The following CDR2 variants were observed in gnomAD, a reference collection of about 807,000 sequenced individuals.
The protein encoded by CDR2 is cerebellar degeneration related protein 2.
In CDR2, 34 loss-of-function variants were observed where a neutral mutation model predicts 48.4. That is an observed-to-expected ratio of 0.70 (90% CI 0.53 to 0.94). The LOEUF is 0.94. CDR2 is among the 40% of genes least tolerant of loss of function. The pLI is 0.00. For missense variants in CDR2, 498 were observed against 549.5 expected (o/e 0.91, Z 0.94); for synonymous variants, 240 against 219.7 (o/e 1.09, Z -0.82).
intron 1 of CDR2, among the ~76,000 whole-genome samples, chr16:22,366,238 C>A (rs2049043975): frequency 6.6e-6 from 1 of 152,118 alleles, no homozygotes; most frequent in Admixed American, 6.5e-5. Context: ...AGTATTCATG[C>A]ATGCATGCAT....
In CDR2 at chr16:22,360,737, ATCT is replaced by A. The variant is rs1208252919; in HGVS notation, c.192+4162_192+4164del. Among the ~76,000 whole-genome samples, 130 of 104,350 alleles carry A rather than the reference ATCT, an allele frequency of 1.2e-3. 4 individuals carry two copies. The highest frequency in any genetic ancestry group is 4.3e-3 in the African/African-American group (118 of 27,422). The allele number at this position is 104,350 out of a possible 152,430, so 68.5% of individuals were successfully genotyped here. ...TATATTTTTCTGAATTAAAAAAATGATCTTTTTTTTTTTTTTTTTTTTTTTTTT... is the reference window on the plus strand; with the variant it reads ...TATATTTTTCTGAATTAAAAAAATGATTTTTTTTTTTTTTTTTTTTTTTTT... On this transcript the variant is annotated intron_variant, in intron 2 of 4. Coordinates refer to ENST00000268383, the MANE Select transcript of CDR2 (RefSeq NM_001802.2).
chr16:22,359,861 A>G lies in CDR2; in HGVS notation c.192+5041T>C, dbSNP rs536492278. Reference sequence around the variant, plus strand: ...TTCAACAAAGTATTGATTACCTAGTATGTGTGAAAGACCATGAATAAACAC... The same window carrying G: ...TTCAACAAAGTATTGATTACCTAGTGTGTGTGAAAGACCATGAATAAACAC... On this transcript the variant is annotated intron_variant, in intron 2 of 4. Transcript: ENST00000268383. 7.7e-4 allele frequency among the ~76,000 whole-genome samples: 113 copies of G among 146,234 alleles called. 1 individual carries two copies. The highest frequency in any genetic ancestry group is 8.0e-4 in the Admixed American group (12 of 15,028).
At chr16:22,349,231 G>A in intron 4 of CDR2, 48 bp downstream of exon 4, 2 of 1,588,878 alleles carry the variant, frequency 1.3e-6, no homozygotes, top group Non-Finnish European at 1.7e-6. Flanking sequence ...ATGTGCCAAT[G>A]ACATGAGACA....
Position 22,347,006 on chromosome 16 carries a change from C to G in CDR2, c.1324G>C (p.Glu442Gln), listed in dbSNP as rs764092508. The G allele has an allele frequency of 6.2e-7, 1 of 1,613,732 alleles. No homozygotes were observed. Among genetic ancestry groups the G allele is most frequent in the East Asian group, 2.2e-5 (1 of 44,868 alleles). Residue 442 changes from glutamate (E) to glutamine (Q), a missense_variant, in exon 5 of 5, where the codon GAA becomes CAA. Coordinates refer to ENST00000268383, the MANE Select transcript of CDR2 (RefSeq NM_001802.2). ...AGTGATCGGTATTTTGTTCTCTGTT[C>G]ATCTATTTCCTGCTTAGTTTTCTTG... The part of the protein sequence containing the change: ...CIKKTKQEID[E>Q]QRTKYRSLSS...
intron 3 of CDR2, 64 bp from the exon 4 acceptor site, chr16:22,349,507 G>T: frequency 6.3e-7 from 1 of 1,578,844 alleles, no homozygotes; most frequent in Non-Finnish European, 8.7e-7. Flanking sequence ...AAGCGGTGAG[G>T]AGAGATTAGG....
chr16:22,374,426 C>T lies in CDR2; in HGVS notation c.-117G>A, dbSNP rs2049104206. ...AGAGCCGCCCTCGGGCGGGACGCGC[C>T]GCCGCCCAGACTCCGCTGCGCCGCC... On this transcript the variant is annotated 5_prime_UTR_variant, in exon 1 of 5. Coordinates refer to ENST00000268383, the MANE Select transcript of CDR2 (RefSeq NM_001802.2). The T allele has an allele frequency of 2.1e-6, 1 of 469,308 alleles. No homozygotes were observed. The highest frequency in any genetic ancestry group is 5.2e-5 in the South Asian group (1 of 19,140). The allele number at this position is 469,308 out of a possible 1,614,324, so 29.1% of individuals were successfully genotyped here.
intron 1 of CDR2, among the ~76,000 whole-genome samples, chr16:22,371,893 G>C (rs552764264): frequency 7.9e-5 from 12 of 151,232 alleles, no homozygotes; most frequent in East Asian, 5.8e-4. Flanking sequence ...TGTTTTGAGA[G>C]GGAGTTTCGT....
At chr16:22,349,195 G>A (rs931387689) in intron 4 of CDR2, 84 bp downstream of exon 4, 3 of 1,422,532 alleles carry the variant, frequency 2.1e-6, no homozygotes, top group African/African-American at 2.8e-5. Flanking sequence ...TCTTAAAATG[G>A]TACTTTCAAT....
chr16:22,366,608 AG>A (rs748527649), intron 1 of CDR2, among the ~76,000 whole-genome samples: 2 of 151,844 alleles, frequency 1.3e-5, no homozygotes, highest in Non-Finnish European at 2.9e-5. Context: ...GTCATTAAGG[AG>A]GCTGAGGAGG....
chr16:22,359,510 C>T (rs2048997889), intron 2 of CDR2, among the ~76,000 whole-genome samples: 1 of 152,156 alleles, frequency 6.6e-6, no homozygotes, highest in Non-Finnish European at 1.5e-5. Context: ...CTCATCCCCT[C>T]AGAAAAATCC....
At chr16:22,372,537 T>C (rs2049085456) in intron 1 of CDR2, among the ~76,000 whole-genome samples, 2 of 152,212 alleles carry the variant, frequency 1.3e-5, no homozygotes, top group African/African-American at 4.8e-5. Context: ...AAATATTTAG[T>C]TGTGATGATA....
chr16:22,347,841 G>C lies in CDR2; in HGVS notation c.507-18C>G, dbSNP rs2048917822. On this transcript the variant is annotated intron_variant, in intron 4 of 4. Transcript: ENST00000268383. ...CGAAGTGTCTAGGGAAAAAAATATT[G>C]AAAGAATATATTACACAGGTCCACT... The C allele has an allele frequency of 6.3e-7, 1 of 1,591,514 alleles. No individual in the cohort carries two copies. Among genetic ancestry groups the C allele is most frequent in the African/African-American group, 1.3e-5 (1 of 74,366 alleles).
intron 1 of CDR2, among the ~76,000 whole-genome samples, chr16:22,365,438 G>A (rs1293392145): frequency 6.6e-6 from 1 of 152,112 alleles, no homozygotes; most frequent in Non-Finnish European, 1.5e-5. Flanking sequence ...GAATACAACT[G>A]TTAAAGTTTA....
At position 22,362,283 on chromosome 16, in the gene CDR2, TTAGATAA is replaced by T. The variant is rs1286751239; in HGVS notation, c.192+2612_192+2618del. On this transcript the variant is annotated intron_variant, in intron 2 of 4. Transcript: ENST00000268383. ...GCTTTGCAATATCTTATGGATAATA[TTAGATAA>T]TAAAGTGTTATTTGTAGATTTAGAG... is the stretch of plus-strand genomic sequence containing the variant. Among the ~76,000 whole-genome samples the T allele has an allele frequency of 3.3e-5, 5 of 152,236 alleles. No homozygotes were observed. The East Asian group carries it at 9.6e-4, about 29-fold the overall frequency.
intron 2 of CDR2, among the ~76,000 whole-genome samples, chr16:22,364,585 G>T (rs562215960): frequency 5.9e-5 from 9 of 152,108 alleles, no homozygotes; most frequent in African/African-American, 1.9e-4. Context: ...GTTTTAGGCC[G>T]GGTGTGGTGG....
At position 22,347,493 on chromosome 16, in the gene CDR2, C is replaced by G. The variant is rs377055084; in HGVS notation, c.837G>C (p.Leu279=). The change falls in exon 5 of 5, where the codon CTG becomes CTC. Residue 279 remains leucine, a synonymous_variant. Transcript: ENST00000268383. ...GGCTGGGCTCTTTGAAAGGAACATACAGAGAGTCTGGCACCAGCTTCTCAA... is the reference window on the plus strand; with the variant it reads ...GGCTGGGCTCTTTGAAAGGAACATAGAGAGAGTCTGGCACCAGCTTCTCAA... The part of the protein sequence containing the change: ...NGVEKLVPDS[L]YVPFKEPSQS... 2.1e-5 allele frequency: 34 copies of G among 1,613,986 alleles called. No individual in the cohort carries two copies. Among genetic ancestry groups the G allele is most frequent in the African/African-American group, 8.0e-5 (6 of 74,942 alleles).
chr16:22,370,123 G>A (rs780551423), intron 1 of CDR2, among the ~76,000 whole-genome samples: 2 of 152,138 alleles, frequency 1.3e-5, no homozygotes, highest in Non-Finnish European at 2.9e-5. Context: ...TCAGCTCTAT[G>A]CTTTAGGCAA....
chr16:22,349,381 T>A lies in CDR2; in HGVS notation c.404A>T (p.Glu135Val), dbSNP rs755329723. 6.2e-7 allele frequency: 1 copy of A among 1,614,106 alleles called. No individual in the cohort carries two copies. Among genetic ancestry groups the A allele is most frequent in the South Asian group, 1.1e-5 (1 of 91,088 alleles). Residue 135 changes from glutamate (E) to valine (V), a missense_variant, in exon 4 of 5, where the codon GAG becomes GTG. By Grantham distance (121) the Glu-to-Val change is moderately radical. Transcript: ENST00000268383. ...NIDHLQSQVE[E>V]LKSSGQGRRS... ...TCTCCCTTGGCCAGATGACTTCAGC[T>A]CCTCCACTTGGCTCTGGAGGTGATC... is the stretch of plus-strand genomic sequence containing the variant.
intron 1 of CDR2, among the ~76,000 whole-genome samples, chr16:22,372,259 G>A (rs538742499): frequency 1.1e-4 from 17 of 152,242 alleles, no homozygotes; most frequent in African/African-American, 3.1e-4. Context: ...ACCCTGACAC[G>A]TTGCACTTGC....
Sources: allele counts gnomAD v4.1 joint callset (sites outside exome capture counted in the v4.1 genomes callset), GRCh38; gene constraint gnomAD v4.1.1; transcripts MANE v1.5; gene names NCBI Gene and HGNC (gene_info 2026-07-23, HGNC 2026-07-21).